ABLIM1: variants seen among roughly 807,000 people sequenced by gnomAD.
ABLIM1 encodes actin-binding LIM protein 1.
ABLIM1 carries 40 observed loss-of-function variants against 107.0 expected under a neutral mutation model. The ratio of observed to expected loss-of-function variants is 0.37; its 90% CI spans 0.29 to 0.49. The LOEUF is 0.49. ABLIM1 is among the 20% of genes least tolerant of loss of function. The pLI is 0.97. For missense variants in ABLIM1, 857 were observed against 1,008.5 expected (o/e 0.85, Z 2.04); for synonymous variants, 357 against 357.3 (o/e 1.00, Z 0.01).
intron 10 of ABLIM1, among the ~76,000 whole-genome samples, chr10:114,472,469 G>A (rs956284089): frequency 5.5e-4 from 84 of 152,240 alleles, no homozygotes; most frequent in Middle Eastern, 6.8e-3. Context: ...GTTGAGACCA[G>A]GTAATTTGAT....
At chr10:114,548,441 G>C (rs533494824) in intron 4 of ABLIM1, among the ~76,000 whole-genome samples, 8 of 152,262 alleles carry the variant, frequency 5.3e-5, no homozygotes, top group Non-Finnish European at 8.8e-5. Flanking sequence ...CTAACTCCTC[G>C]TTGGCTAGCT....
intron 8 of ABLIM1, among the ~76,000 whole-genome samples, chr10:114,480,381 T>G (rs992198873): frequency 6.6e-6 from 1 of 152,210 alleles, no homozygotes; most frequent in African/African-American, 2.4e-5. Context: ...AAAGGTAAGC[T>G]CACTTCTACA....
At chr10:114,497,681 CAAA>C (rs576676119) in intron 6 of ABLIM1, among the ~76,000 whole-genome samples, 10 of 75,556 alleles carry the variant, frequency 1.3e-4, no homozygotes, top group Middle Eastern at 8.6e-3. Context: ...GATTCTGTCT[CAAA>C]AAAAAAAAAA....
At chr10:114,771,196 C>T (rs1387530216), upstream of ABLIM1, among the ~76,000 whole-genome samples, 1 of 152,182 alleles carries the variant, frequency 6.6e-6, no homozygotes, top group Non-Finnish European at 1.5e-5. Flanking sequence ...CTTATAACCT[C>T]ATAGCAGAAT....
At chr10:114,628,693 A>T (rs2077976959) in intron 1 of ABLIM1, among the ~76,000 whole-genome samples, 1 of 152,254 alleles carries the variant, frequency 6.6e-6, no homozygotes, top group Non-Finnish European at 1.5e-5. Context: ...TCTTGTGACT[A>T]AATTCTTAGT....
intron 6 of ABLIM1, among the ~76,000 whole-genome samples, chr10:114,505,122 T>A (rs552662957): frequency 6.6e-6 from 1 of 152,192 alleles, no homozygotes; most frequent in Non-Finnish European, 1.5e-5. Flanking sequence ...CTGCTCAGCG[T>A]GTGGTAAAAA....
chr10:114,798,111 T>C, the ABLIM1 span, among the ~76,000 whole-genome samples: 4 of 152,236 alleles, frequency 2.6e-5, no homozygotes, highest in Non-Finnish European at 4.4e-5. Flanking sequence ...ATTTGCCTTA[T>C]ATATTTTTTA....
At chr10:114,551,131 G>A (rs537529002) in intron 4 of ABLIM1, among the ~76,000 whole-genome samples, 5 of 152,274 alleles carry the variant, frequency 3.3e-5, no homozygotes, top group East Asian at 3.9e-4. Context: ...TGTAAAATGC[G>A]GACAACAGCC....
intron 1 of ABLIM1, among the ~76,000 whole-genome samples, chr10:114,740,227 T>C (rs1042039398): frequency 6.6e-6 from 1 of 152,154 alleles, no homozygotes; most frequent in African/African-American, 2.4e-5. Context: ...CTCAAGATTT[T>C]AAGAGGACCC....
At chr10:114,786,083 T>A in the ABLIM1 span, among the ~76,000 whole-genome samples, 1 of 151,864 alleles carries the variant, frequency 6.6e-6, no homozygotes, top group Non-Finnish European at 1.5e-5. Context: ...TCTTAATACC[T>A]GCATCTAGCA....
intron 2 of ABLIM1, among the ~76,000 whole-genome samples, chr10:114,587,613 G>C (rs1029320273): frequency 6.6e-6 from 1 of 152,098 alleles, no homozygotes; most frequent in Non-Finnish European, 1.5e-5. Context: ...TTTATTTCTA[G>C]TAGAAAGTTT....
intron 5 of ABLIM1, chr10:114,547,448 A>T: frequency 1.6e-6 from 1 of 616,234 alleles, no homozygotes; most frequent in South Asian, 2.3e-5. Context: ...GGCAATGATT[A>T]ACATATCATT....
chr10:114,442,846 A>ATT (rs11286352), intron 17 of ABLIM1, among the ~76,000 whole-genome samples: 1 of 149,634 alleles, frequency 6.7e-6, no homozygotes, highest in South Asian at 2.1e-4. Flanking sequence ...CATTAAATGC[A>ATT]TTTTTTTTTT....
At chr10:114,746,570 A>G (rs808320) in intron 1 of ABLIM1, among the ~76,000 whole-genome samples, 8,754 of 152,304 alleles carry the variant, frequency 0.057, 326 homozygotes, top group Middle Eastern at 0.095. Context: ...TTTCTTTGAC[A>G]TAGCGATTTC....
intron 2 of ABLIM1, among the ~76,000 whole-genome samples, chr10:114,576,709 A>G (rs2072620984): frequency 6.6e-6 from 1 of 152,196 alleles, no homozygotes; most frequent in African/African-American, 2.4e-5. Context: ...ACTACAAGCT[A>G]CGGAAGACGT....
At chr10:114,443,029 G>T (rs914208324) in intron 17 of ABLIM1, among the ~76,000 whole-genome samples, 1 of 151,930 alleles carries the variant, frequency 6.6e-6, no homozygotes, top group African/African-American at 2.4e-5. Flanking sequence ...TAGTAGAGAC[G>T]GGGTTTCACT....
intron 12 of ABLIM1, among the ~76,000 whole-genome samples, chr10:114,465,079 T>A (rs1020173071): frequency 6.6e-6 from 1 of 152,238 alleles, no homozygotes; most frequent in Non-Finnish European, 1.5e-5. Flanking sequence ...AATAATTGTA[T>A]GTTTTCCAAG....
At chr10:114,463,304 A>C in intron 12 of ABLIM1, 3 of 937,244 alleles carry the variant, frequency 3.2e-6, no homozygotes, top group African/African-American at 1.7e-5. Context: ...AAAGGGAGGA[A>C]GGAGAAAGGG....
At chr10:114,647,542 C>T (rs1220627778) in intron 1 of ABLIM1, among the ~76,000 whole-genome samples, 1 of 152,198 alleles carries the variant, frequency 6.6e-6, no homozygotes, top group African/African-American at 2.4e-5. Flanking sequence ...AATGACCTTA[C>T]AAAATGATCC....
Sources: allele counts gnomAD v4.1 joint callset (sites outside exome capture counted in the v4.1 genomes callset), GRCh38; gene constraint gnomAD v4.1.1; transcripts MANE v1.5; gene names NCBI Gene and HGNC (gene_info 2026-07-23, HGNC 2026-07-21).